The following CHODL variants were observed in gnomAD, a reference collection of about 807,000 sequenced individuals.
The protein encoded by CHODL is transmembrane protein MT75.
CHODL carries 29 observed loss-of-function variants against 34.5 expected under a neutral mutation model. That is an observed-to-expected ratio of 0.84 (90% CI 0.63 to 1.15). The LOEUF (loss-of-function observed/expected upper bound fraction) is 1.15, where lower values mean the gene tolerates loss of function less well. Among genes scored for constraint, CHODL ranks in the 50% most tolerant of loss-of-function variants. CHODL has a pLI of 0.00. For missense variants in CHODL, 332 were observed against 332.5 expected (o/e 1.00, Z 0.01); for synonymous variants, 125 against 116.1 (o/e 1.08, Z -0.49).
intron 2 of CHODL, among the ~76,000 whole-genome samples, chr21:18,061,623 C>A (rs758034110): frequency 6.6e-6 from 1 of 152,106 alleles, no homozygotes; most frequent in Non-Finnish European, 1.5e-5. Context: ...ATAATGATAT[C>A]TTTAGCCCAA....
chr21:18,176,603 A>G (rs1255223298), intron 2 of CHODL, among the ~76,000 whole-genome samples: 2 of 152,150 alleles, frequency 1.3e-5, no homozygotes, highest in Non-Finnish European at 2.9e-5. Flanking sequence ...TTGTTTATCT[A>G]ATGCTATCTA....
At chr21:18,197,207 T>G (rs2146702603) in intron 2 of CHODL, among the ~76,000 whole-genome samples, 1 of 152,330 alleles carries the variant, frequency 6.6e-6, no homozygotes, top group Admixed American at 6.5e-5. Context: ...AAATATAAAT[T>G]TAAGTATATA....
chr21:18,182,744 GTGCATTAGTCCTTCC>G (rs1312791807), intron 2 of CHODL, among the ~76,000 whole-genome samples: 2 of 152,046 alleles, frequency 1.3e-5, no homozygotes, highest in Non-Finnish European at 2.9e-5. Flanking sequence ...GTAAAAGTAA[GTGCATTAGTCCTTCC>G]TAGAACTACT....
intron 1 of CHODL, among the ~76,000 whole-genome samples, chr21:17,930,241 G>A (rs111909798): frequency 6.6e-6 from 1 of 151,130 alleles, no homozygotes; most frequent in African/African-American, 2.4e-5. Flanking sequence ...CACTGAGCAG[G>A]GCTACCCCTG....
At chr21:17,923,493 G>A (rs1314118306) in intron 1 of CHODL, among the ~76,000 whole-genome samples, 3 of 129,134 alleles carry the variant, frequency 2.3e-5, no homozygotes, top group Non-Finnish European at 4.7e-5. Flanking sequence ...ACGAAGTCTC[G>A]CATTGTTGCC....
chr21:18,013,623 C>T, intron 1 of CHODL, among the ~76,000 whole-genome samples: 1 of 62,584 alleles, frequency 1.6e-5, no homozygotes, highest in African/African-American at 6.9e-5. Context: ...CATTGATTTT[C>T]TGCTGCTGCT....
intron 1 of CHODL, among the ~76,000 whole-genome samples, chr21:17,945,950 C>G (rs1170365615): frequency 6.6e-6 from 1 of 151,920 alleles, no homozygotes; most frequent in Non-Finnish European, 1.5e-5. Context: ...ATGATATATT[C>G]AAAGTGCTGA....
At chr21:18,170,266 T>C (rs1278116541) in intron 2 of CHODL, among the ~76,000 whole-genome samples, 6 of 152,180 alleles carry the variant, frequency 3.9e-5, no homozygotes, top group Non-Finnish European at 7.4e-5. Flanking sequence ...GCTCTTTGTA[T>C]AGTATATATT....
At chr21:18,028,490 A>T (rs1162962875) in intron 2 of CHODL, among the ~76,000 whole-genome samples, 1 of 151,896 alleles carries the variant, frequency 6.6e-6, no homozygotes, top group East Asian at 1.9e-4. Context: ...TGAGGTCAGG[A>T]GTTCAAGACC....
At position 17,945,915 on chromosome 21, in the gene CHODL, A is replaced by G. The variant is rs147456592; in HGVS notation, c.-145+28515A>G. Among the ~76,000 whole-genome samples, 215 of 152,282 alleles carry G rather than the reference A, an allele frequency of 1.4e-3. No individual in the cohort carries two copies. In the East Asian group the frequency reaches 0.017, roughly 12 times the overall value. ...CAACTGTCAGTGGATTTCTTAGCAA[A>G]CTCTACAAGCCTGGAGAGAGTAGAA... On this transcript the variant is annotated intron_variant, in intron 1 of 6. Coordinates refer to the CHODL transcript ENST00000400127.
At chr21:18,102,262 CTTCCTT>C (rs1297736577) in intron 2 of CHODL, among the ~76,000 whole-genome samples, 1 of 152,188 alleles carries the variant, frequency 6.6e-6, no homozygotes, top group African/African-American at 2.4e-5. Context: ...ACGCCCAACA[CTTCCTT>C]TTGTCATTTC....
chr21:18,170,944 G>A (rs963110486), intron 2 of CHODL, among the ~76,000 whole-genome samples: 7 of 151,826 alleles, frequency 4.6e-5, no homozygotes, highest in East Asian at 1.9e-4. Flanking sequence ...AGTGTTTGTC[G>A]TAGGGCAGTT....
intron 2 of CHODL, among the ~76,000 whole-genome samples, chr21:18,028,281 TCCTTCCTTCCTTCC>T (rs2064204936): frequency 2.0e-5 from 2 of 101,628 alleles, no homozygotes; most frequent in Admixed American, 1.2e-4. Flanking sequence ...CTTTTCCCCT[TCCTTCCTTCCTTCC>T]TTCCTTCCTT....
intron 1 of CHODL, among the ~76,000 whole-genome samples, chr21:17,920,340 T>C (rs1300619879): frequency 6.6e-6 from 1 of 152,224 alleles, no homozygotes; most frequent in African/African-American, 2.4e-5. Context: ...CTCACAATTA[T>C]GGCAGAAGGC....
chr21:18,214,279 A>G (rs1044407531), intron 2 of CHODL, among the ~76,000 whole-genome samples: 5 of 152,122 alleles, frequency 3.3e-5, no homozygotes, highest in African/African-American at 1.2e-4. Context: ...TCTGTTCATT[A>G]TATTGGATCA....
At chr21:18,128,279 T>A (rs532830860) in intron 2 of CHODL, among the ~76,000 whole-genome samples, 4 of 97,316 alleles carry the variant, frequency 4.1e-5, no homozygotes, top group African/African-American at 7.9e-5. Flanking sequence ...CCAGCCTGGG[T>A]GACAGAGCAA....
chr21:18,158,841 A>AG (rs1568915827), intron 2 of CHODL, among the ~76,000 whole-genome samples: 1 of 151,072 alleles, frequency 6.6e-6, no homozygotes, highest in South Asian at 2.1e-4. Flanking sequence ...TCCGTCTTAA[A>AG]AAAAAAAAAA....
chr21:18,154,901 A>T (rs1324151174), intron 2 of CHODL, among the ~76,000 whole-genome samples: 1 of 152,174 alleles, frequency 6.6e-6, no homozygotes, highest in East Asian at 1.9e-4. Context: ...TGATGGAGAT[A>T]TGTAGAGATC....
intron 2 of CHODL, among the ~76,000 whole-genome samples, chr21:18,080,217 G>A (rs1183089165): frequency 1.3e-5 from 2 of 152,014 alleles, no homozygotes; most frequent in African/African-American, 4.8e-5. Context: ...TGAGTTCTTT[G>A]TAGATTCTGA....
Sources: allele counts gnomAD v4.1 joint callset (sites outside exome capture counted in the v4.1 genomes callset), GRCh38; gene constraint gnomAD v4.1.1; transcripts MANE v1.5; gene names NCBI Gene and HGNC (gene_info 2026-07-23, HGNC 2026-07-21).